Variants in CCBE1 observed in about 807,000 individuals in gnomAD.
CCBE1 encodes collagen and calcium binding EGF domains 1, also known as collagen and calcium-binding EGF domain-containing protein 1.
Under a neutral mutation model 50.0 loss-of-function variants are expected in CCBE1, and 37 were observed. The ratio of observed to expected loss-of-function variants is 0.74; its 90% CI spans 0.57 to 0.97. The LOEUF (loss-of-function observed/expected upper bound fraction) is 0.97. Among genes scored for constraint, CCBE1 ranks in the 50% least tolerant of loss-of-function variants. CCBE1 has a pLI of 0.00. For missense variants in CCBE1, 538 were observed against 523.8 expected (o/e 1.03, Z -0.26); for synonymous variants, 234 against 203.7 (o/e 1.15, Z -1.27).
intron 2 of CCBE1, among the ~76,000 whole-genome samples, chr18:59,593,850 C>A (rs1185646265): frequency 6.6e-6 from 1 of 152,230 alleles, no homozygotes; most frequent in Non-Finnish European, 1.5e-5. Flanking sequence ...AAGTAGCAGC[C>A]TCTGGACTAA....
chr18:59,469,913 G>T (rs145644248), intron 3 of CCBE1, among the ~76,000 whole-genome samples: 1 of 152,254 alleles, frequency 6.6e-6, no homozygotes, highest in East Asian at 1.9e-4. Context: ...GGATTCCCTC[G>T]GGGTTGGGGG....
chr18:59,455,033 C>G (rs1220717156), intron 5 of CCBE1, 82 bp from the exon 6 acceptor site: 2 of 1,096,186 alleles, frequency 1.8e-6, no homozygotes, highest in East Asian at 4.7e-5. Flanking sequence ...GAAGGGCGGT[C>G]CCAGGGACAG....
chr18:59,461,298 C>T (rs1911461172), intron 5 of CCBE1, among the ~76,000 whole-genome samples: 1 of 133,602 alleles, frequency 7.5e-6, no homozygotes, highest in Non-Finnish European at 1.6e-5. Context: ...AGAGTGGAGG[C>T]ACTTTTTTTT....
At chr18:59,567,143 A>T (rs1212865781) in intron 2 of CCBE1, among the ~76,000 whole-genome samples, 1 of 151,618 alleles carries the variant, frequency 6.6e-6, no homozygotes, top group East Asian at 1.9e-4. Context: ...TTTGAAATGG[A>T]GATTAGCTCT....
intron 2 of CCBE1, among the ~76,000 whole-genome samples, chr18:59,641,016 T>C (rs1326053710): frequency 6.6e-6 from 1 of 152,220 alleles, no homozygotes; most frequent in Non-Finnish European, 1.5e-5. Context: ...GGAACGCTCC[T>C]ACACTGCTAG....
intron 2 of CCBE1, among the ~76,000 whole-genome samples, chr18:59,527,211 T>C (rs1914861286): frequency 6.6e-6 from 1 of 152,240 alleles, no homozygotes; most frequent in African/African-American, 2.4e-5. Context: ...ATATTTAGGA[T>C]AGCTTTTCTT....
At chr18:59,453,987 G>A (rs1911060926) in intron 6 of CCBE1, among the ~76,000 whole-genome samples, 1 of 152,102 alleles carries the variant, frequency 6.6e-6, no homozygotes, top group Non-Finnish European at 1.5e-5. Flanking sequence ...AAGTGCATTA[G>A]TCCTCATCCT....
chr18:59,455,242 G>A, intron 5 of CCBE1: 3 of 492,430 alleles, frequency 6.1e-6, no homozygotes, highest in South Asian at 4.0e-5. Context: ...TGCGTACCAT[G>A]GCCTTTTATC....
intron 3 of CCBE1, among the ~76,000 whole-genome samples, chr18:59,476,015 G>T (rs1912289526): frequency 6.6e-6 from 1 of 152,200 alleles, no homozygotes; most frequent in East Asian, 1.9e-4. Context: ...ACTGCGGCTG[G>T]CTACTCTTCC....
At chr18:59,594,438 G>T (rs1018321226) in intron 2 of CCBE1, among the ~76,000 whole-genome samples, 2 of 152,188 alleles carry the variant, frequency 1.3e-5, no homozygotes, top group South Asian at 4.1e-4. Context: ...CAGAGTTTCC[G>T]TTGGGGAAAC....
chr18:59,659,792 A>G lies in CCBE1; in HGVS notation c.212+36837T>C, dbSNP rs566224496. 1.2e-3 allele frequency among the ~76,000 whole-genome samples: 182 copies of G among 152,322 alleles called. 1 individual carries two copies. The highest frequency in any genetic ancestry group is 3.4e-3 in the Middle Eastern group (1 of 294). ...TGAAGCAGAAACTTTTCCCACTGCCAGCAATGAGCTGCGTGATCAAACACA... is the reference window on the plus strand; with the variant it reads ...TGAAGCAGAAACTTTTCCCACTGCCGGCAATGAGCTGCGTGATCAAACACA... On this transcript the variant is annotated intron_variant, in intron 2 of 10. Transcript: ENST00000439986.
intron 2 of CCBE1, among the ~76,000 whole-genome samples, chr18:59,676,623 C>A (rs1277000139): frequency 6.6e-6 from 1 of 152,170 alleles, no homozygotes; most frequent in Non-Finnish European, 1.5e-5. Flanking sequence ...CCGTACTGGA[C>A]ACGGGGCATA....
rs1393650730 is a variant in CCBE1 at position 59,433,569 on chromosome 18, A to G, written c.*2339T>C. Reference sequence around the variant, plus strand: ...AGCCCCTTCCTAACATTCTTAAGGAAGAAGACTGAAAGGTGGCATTCAAAC... The same window carrying G: ...AGCCCCTTCCTAACATTCTTAAGGAGGAAGACTGAAAGGTGGCATTCAAAC... On this transcript the variant is annotated 3_prime_UTR_variant, in exon 11 of 11. Transcript: ENST00000439986. 6 of 151,716 alleles carry G rather than the reference A, an allele frequency of 4.0e-5. No individual in the cohort carries two copies. Among genetic ancestry groups the G allele is most frequent in the Non-Finnish European group, 8.8e-5 (6 of 67,972 alleles). The allele number at this position is 151,716 out of a possible 1,614,324, so 9.4% of individuals were successfully genotyped here.
At chr18:59,454,237 G>A (rs576300530) in intron 6 of CCBE1, among the ~76,000 whole-genome samples, 7 of 152,106 alleles carry the variant, frequency 4.6e-5, no homozygotes, top group South Asian at 2.1e-4. Flanking sequence ...TGGACTTTCC[G>A]ATGGCATGCC....
At chr18:59,540,239 C>CT (rs960365100) in intron 2 of CCBE1, among the ~76,000 whole-genome samples, 16 of 152,090 alleles carry the variant, frequency 1.1e-4, no homozygotes, top group East Asian at 5.8e-4. Flanking sequence ...AAACATTAGA[C>CT]TTTTTTTTGT....
At chr18:59,659,537 C>G (rs1331790329) in intron 2 of CCBE1, among the ~76,000 whole-genome samples, 1 of 152,058 alleles carries the variant, frequency 6.6e-6, no homozygotes, top group Admixed American at 6.5e-5. Context: ...TCACCGCATG[C>G]CAAACTGAAA....
At chr18:59,544,272 C>A (rs1053475747) in intron 2 of CCBE1, among the ~76,000 whole-genome samples, 2 of 152,192 alleles carry the variant, frequency 1.3e-5, no homozygotes, top group African/African-American at 4.8e-5. Context: ...TGAAGCTTAA[C>A]TGATCCTTTC....
intron 2 of CCBE1, among the ~76,000 whole-genome samples, chr18:59,531,176 A>C (rs1915033198): frequency 6.6e-6 from 1 of 152,098 alleles, no homozygotes. Flanking sequence ...TATTCCCCAA[A>C]TCAGCTTGTT....
In CCBE1 at chr18:59,573,284, A is replaced by AATATATATATATATATATATAT. The variant is rs71336346; in HGVS notation, c.213-93047_213-93046insATATATATATATATATATATAT. 7.0e-3 allele frequency among the ~76,000 whole-genome samples: 650 copies of AATATATATATATATATATATAT among 93,470 alleles called. 41 individuals carry two copies. The highest frequency in any genetic ancestry group is 0.011 in the Middle Eastern group (2 of 178). 61.3% of individuals were successfully genotyped at this position (93,470 alleles called of 152,430 possible). ...TGGGCAATATAGTGAGACTCCGTCT[A>AATATATATATATATATATATAT]ATATATATATATATATATGTATGTA... On this transcript the variant is annotated intron_variant, in intron 2 of 10. Coordinates refer to ENST00000439986, the MANE Select transcript of CCBE1 (RefSeq NM_133459.4).
Sources: gnomAD v4.1 joint callset for allele counts (sites outside exome capture counted in the v4.1 genomes callset) on GRCh38, gnomAD v4.1.1 for gene constraint, MANE v1.5 for transcripts, NCBI Gene and HGNC (gene_info 2026-07-23, HGNC 2026-07-21) for gene names.